Variants in SLC7A7 observed in about 807,000 individuals in gnomAD.
SLC7A7 encodes Y+L amino acid transporter 1.
SLC7A7 carries 39 observed loss-of-function variants against 47.9 expected under a neutral mutation model. The observed-to-expected ratio is 0.81, with a 90% CI of 0.63 to 1.06. The LOEUF is 1.06. Ranked by LOEUF, SLC7A7 falls within the 50% of genes least tolerant of loss-of-function variation. The pLI is 0.00. For missense variants in SLC7A7, 588 were observed against 632.0 expected (o/e 0.93, Z 0.75); for synonymous variants, 234 against 242.8 (o/e 0.96, Z 0.34).
rs977418370 is a variant in SLC7A7, at chr14:22,773,228, A to G, written c.*382T>C. The G allele has an allele frequency of 5.1e-6, 2 of 394,672 alleles. No homozygotes were observed. The highest frequency in any genetic ancestry group is 4.2e-5 in the African/African-American group (2 of 47,494). The allele number at this position is 394,672 out of a possible 1,614,324, so 24.4% of individuals were successfully genotyped here. A position where few individuals can be genotyped will look rare whatever the true frequency, so the allele number is the denominator to read the frequency against. ...AAAATGAAGCCACTCAGACTTTAGG[A>G]ACATAAACTTTTATTGTCATCCAGC... On this transcript the variant is annotated 3_prime_UTR_variant, in exon 10 of 10. Coordinates refer to ENST00000674313, the MANE Select transcript of SLC7A7 (RefSeq NM_003982.4).
At chr14:22,806,693 G>T (rs1360023962) in intron 2 of SLC7A7, among the ~76,000 whole-genome samples, 1 of 152,098 alleles carries the variant, frequency 6.6e-6, no homozygotes, top group Non-Finnish European at 1.5e-5. Flanking sequence ...TATGGGATAT[G>T]AGAAGGCCAA....
chr14:22,789,899 G>A (rs530061528), intron 2 of SLC7A7, among the ~76,000 whole-genome samples: 1 of 152,210 alleles, frequency 6.6e-6, no homozygotes, highest in South Asian at 2.1e-4. Flanking sequence ...TAAGCCTCCA[G>A]AAAGAAACAC....
chr14:22,804,428 T>A (rs2039166838), intron 2 of SLC7A7, among the ~76,000 whole-genome samples: 1 of 151,990 alleles, frequency 6.6e-6, no homozygotes. Context: ...AGAGACAACC[T>A]CTACAGAATG....
At chr14:22,780,294 A>T in intron 2 of SLC7A7, 1 of 481,072 alleles carries the variant, frequency 2.1e-6, no homozygotes, top group Non-Finnish European at 3.8e-6. Flanking sequence ...AAGTGACTGC[A>T]GATCTGCTTA....
chr14:22,783,503 C>T (rs1010351028), intron 2 of SLC7A7, among the ~76,000 whole-genome samples: 3 of 151,510 alleles, frequency 2.0e-5, no homozygotes, highest in South Asian at 2.1e-4. Context: ...TGGGTTCAAG[C>T]GGTTCTCCTG....
chr14:22,778,296 C>T (rs1158914370), intron 4 of SLC7A7, among the ~76,000 whole-genome samples: 1 of 152,142 alleles, frequency 6.6e-6, no homozygotes, highest in Non-Finnish European at 1.5e-5. Context: ...GTCCAGTTCT[C>T]TTTTCACTCT....
At position 22,815,408 on chromosome 14, in the gene SLC7A7, T is replaced by C; in HGVS notation, c.-131A>G. On this transcript the variant is annotated 5_prime_UTR_variant, in exon 1 of 10. Coordinates refer to ENST00000674313, the MANE Select transcript of SLC7A7 (RefSeq NM_003982.4). The stretch of plus-strand genomic sequence containing the variant: ...CCTTCCAGGATCTGTGGTCTGATGC[T>C]CCTCCTTCCCAGCCAGCAGTAAAAG... The C allele has an allele frequency of 2.2e-6, 1 of 454,194 alleles. No individual in the cohort carries two copies. The highest frequency in any genetic ancestry group is 4.4e-6 in the Non-Finnish European group (1 of 226,742). 28.1% of individuals were successfully genotyped at this position (454,194 alleles called of 1,614,324 possible).
At chr14:22,810,572 G>A (rs1200314325) in intron 2 of SLC7A7, among the ~76,000 whole-genome samples, 1 of 151,938 alleles carries the variant, frequency 6.6e-6, no homozygotes, top group East Asian at 1.9e-4. Flanking sequence ...TTAACCATAT[G>A]CCCACATTTG....
chr14:22,807,474 G>A (rs2039233494), intron 2 of SLC7A7, among the ~76,000 whole-genome samples: 2 of 152,162 alleles, frequency 1.3e-5, no homozygotes, highest in South Asian at 4.1e-4. Context: ...CAGGAGGTAG[G>A]AGGATTACTT....
chr14:22,798,154 G>A (rs150342532), intron 2 of SLC7A7, among the ~76,000 whole-genome samples: 5,923 of 152,062 alleles, frequency 0.039, 166 homozygotes, highest in South Asian at 0.068. Flanking sequence ...AAAATTAGCC[G>A]GGCATAGTGG....
upstream of SLC7A7, among the ~76,000 whole-genome samples, chr14:22,819,158 A>C (rs938120297): frequency 1.3e-5 from 2 of 152,092 alleles, no homozygotes; most frequent in Non-Finnish European, 2.9e-5. Flanking sequence ...ACTAGTACAT[A>C]ATTCGGGGTC....
intron 2 of SLC7A7, among the ~76,000 whole-genome samples, chr14:22,787,436 A>AAAATAAATAAATAAATAAATAAATAAAT (rs34759644): frequency 8.6e-4 from 127 of 148,272 alleles, no homozygotes; most frequent in African/African-American, 3.1e-3. Context: ...ACTCCGTCTC[A>AAAATAAATAAATAAATAAATAAATAAAT]AAATAAATAA....
chr14:22,799,107 T>G (rs1233713718), intron 2 of SLC7A7, among the ~76,000 whole-genome samples: 1 of 152,162 alleles, frequency 6.6e-6, no homozygotes, highest in Non-Finnish European at 1.5e-5. Context: ...GCCCTGAAAT[T>G]TCATTGCCTT....
chr14:22,784,577 C>T (rs1249498490), intron 2 of SLC7A7, among the ~76,000 whole-genome samples: 1 of 151,780 alleles, frequency 6.6e-6, no homozygotes, highest in Non-Finnish European at 1.5e-5. Flanking sequence ...AAGATCACAC[C>T]ACTGCACTCC....
In SLC7A7 at chr14:22,795,768, C is replaced by T. The variant is rs1021539652; in HGVS notation, c.500-15717G>A. 5.3e-5 allele frequency among the ~76,000 whole-genome samples: 8 copies of T among 152,216 alleles called. No individual in the cohort carries two copies. The South Asian group carries it at 8.3e-4, about 16-fold the overall frequency. ...GATTACAGGCGTGAGCCACCGTGCC[C>T]GGCCTTGTTTTCTTAATTCTCCAGA... On this transcript the variant is annotated intron_variant, in intron 2 of 9. Transcript: ENST00000674313.
intron 2 of SLC7A7, among the ~76,000 whole-genome samples, chr14:22,786,103 G>A (rs111491654): frequency 0.017 from 2,597 of 150,872 alleles, 74 homozygotes; most frequent in African/African-American, 0.06. Flanking sequence ...GGTGGATCAC[G>A]AGGTCAGGAA....
At chr14:22,780,306 A>C (rs1052603274) in intron 2 of SLC7A7, 2 of 456,862 alleles carry the variant, frequency 4.4e-6, no homozygotes, top group Non-Finnish European at 8.1e-6. Flanking sequence ...ATCTGCTTAC[A>C]TAAAAAATAC....
Position 22,815,349 on chromosome 14 carries a change from A to T in SLC7A7, c.-72T>A. The stretch of plus-strand genomic sequence containing the variant: ...TGGTCCTGGATATAAGCAGGTTCTC[A>T]CGGCAGTGTGAGCAGCAGTCAGGGA... On this transcript the variant is annotated 5_prime_UTR_variant, in exon 1 of 10. Transcript: ENST00000674313. 2.2e-6 allele frequency: 1 copy of T among 454,568 alleles called. No homozygotes were observed. Among genetic ancestry groups the T allele is most frequent in the South Asian group, 1.6e-5 (1 of 64,472 alleles). 28.2% of individuals were successfully genotyped at this position (454,568 alleles called of 1,614,324 possible).
intron 2 of SLC7A7, among the ~76,000 whole-genome samples, chr14:22,802,927 C>T (rs1208131342): frequency 6.6e-6 from 1 of 151,906 alleles, no homozygotes; most frequent in Non-Finnish European, 1.5e-5. Context: ...TCATCTTGTG[C>T]CTTTACATTG....
Sources: gnomAD v4.1 joint callset for allele counts (sites outside exome capture counted in the v4.1 genomes callset) on GRCh38, gnomAD v4.1.1 for gene constraint, MANE v1.5 for transcripts, NCBI Gene and HGNC (gene_info 2026-07-23, HGNC 2026-07-21) for gene names.